Variants in TENT4B observed in about 807,000 individuals in gnomAD.
The protein encoded by TENT4B is PAP associated domain containing 5.
A neutral mutation model predicts 75.0 loss-of-function variants in TENT4B; 10 were observed. The observed-to-expected ratio is 0.13, with a 90% CI of 0.08 to 0.23. The LOEUF is 0.23. Among genes scored for constraint, TENT4B ranks in the 10% least tolerant of loss-of-function variants. The probability of loss-of-function intolerance (pLI) is 1.00; values close to 1 mark genes in which losing one functional copy is unlikely to be tolerated. For synonymous variants in TENT4B, 350 were observed against 357.7 expected, an observed-to-expected ratio of 0.98 and a Z score of 0.24; for missense variants, 579 against 893.8, an observed-to-expected ratio of 0.65 and a Z score of 4.49.
chr16:50,181,433 A>G lies in TENT4B; in HGVS notation c.638+27174A>G, dbSNP rs75230312. Among the ~76,000 whole-genome samples the G allele has an allele frequency of 6.8e-3, 1,010 of 148,910 alleles. 10 individuals are homozygous for G. The highest frequency in any genetic ancestry group is 0.024 in the African/African-American group (967 of 40,362). ...TCAGCCTCTTGGAGTACCTGGGACT[A>G]TAGGCACACAACATCATATCCAGCT... On this transcript the variant is annotated intron_variant, in intron 1 of 11. Coordinates refer to ENST00000561678, the MANE Select transcript of TENT4B (RefSeq NM_001365324.3).
intron 1 of TENT4B, among the ~76,000 whole-genome samples, chr16:50,183,799 C>T (rs1417733422): frequency 3.3e-5 from 5 of 152,120 alleles, no homozygotes; most frequent in African/African-American, 1.2e-4. Flanking sequence ...AATCCCAGCA[C>T]TTTGGGAGGC....
intron 1 of TENT4B, among the ~76,000 whole-genome samples, chr16:50,179,601 A>G (rs910095717): frequency 2.6e-5 from 4 of 152,214 alleles, no homozygotes; most frequent in African/African-American, 7.2e-5. Flanking sequence ...CACTCTGCTT[A>G]TTCATTTGAC....
In TENT4B at chr16:50,230,480, C is replaced by T; in HGVS notation, c.*1152C>T. The T allele has an allele frequency of 4.1e-6, 4 of 982,532 alleles. No individual in the cohort carries two copies. The highest frequency in any genetic ancestry group is 4.8e-6 in the Non-Finnish European group (4 of 826,964). 60.9% of individuals were successfully genotyped at this position (982,532 alleles called of 1,614,324 possible). ...ACTGTGGGAGAATAACTGTAAACAGCTTTAATTAAATCATACTTATAAAAA... is the reference window on the plus strand; with the variant it reads ...ACTGTGGGAGAATAACTGTAAACAGTTTTAATTAAATCATACTTATAAAAA... On this transcript the variant is annotated 3_prime_UTR_variant, in exon 12 of 12. Transcript: ENST00000561678.
intron 1 of TENT4B, among the ~76,000 whole-genome samples, chr16:50,156,274 A>G (rs779722501): frequency 1.3e-4 from 20 of 152,088 alleles, no homozygotes; most frequent in Non-Finnish European, 2.8e-4. Context: ...CAAAAAATAC[A>G]TTAAACAATT....
chr16:50,197,000 G>A (rs1361052773), intron 1 of TENT4B, among the ~76,000 whole-genome samples: 1 of 151,770 alleles, frequency 6.6e-6, no homozygotes, highest in African/African-American at 2.4e-5. Context: ...TCAGCTACTT[G>A]GGAGGCTAAG....
chr16:50,173,402 T>C (rs1024755047), intron 1 of TENT4B, among the ~76,000 whole-genome samples: 1 of 152,180 alleles, frequency 6.6e-6, no homozygotes, highest in African/African-American at 2.4e-5. Flanking sequence ...GGTCATGTTT[T>C]TAGCTCATTT....
At chr16:50,197,791 G>T (rs1057162863) in intron 1 of TENT4B, among the ~76,000 whole-genome samples, 2 of 152,130 alleles carry the variant, frequency 1.3e-5, no homozygotes, top group African/African-American at 4.8e-5. Flanking sequence ...ACAAGTTGAG[G>T]TTTGTACAGT....
At chr16:50,198,872 G>C (rs570261180) in intron 1 of TENT4B, among the ~76,000 whole-genome samples, 5 of 152,198 alleles carry the variant, frequency 3.3e-5, no homozygotes, top group Non-Finnish European at 7.3e-5. Flanking sequence ...ACCTGATCCA[G>C]CTATCCATGA....
chr16:50,189,611 A>ACAAG (rs1567493217), intron 1 of TENT4B, among the ~76,000 whole-genome samples: 1 of 152,072 alleles, frequency 6.6e-6, no homozygotes, highest in African/African-American at 2.4e-5. Flanking sequence ...ACTCCTCTGT[A>ACAAG]TATAACACAT....
chr16:50,154,742 T>G (rs1338755962), intron 1 of TENT4B, among the ~76,000 whole-genome samples: 1 of 152,042 alleles, frequency 6.6e-6, no homozygotes, highest in East Asian at 1.9e-4. Context: ...GTGCTTTCCT[T>G]GCCAAGAATA....
intron 2 of TENT4B, among the ~76,000 whole-genome samples, chr16:50,213,351 G>T (rs1013295633): frequency 1.5e-4 from 23 of 152,180 alleles, no homozygotes; most frequent in African/African-American, 5.3e-4. Context: ...GAGCCACTGT[G>T]CCCGGCCTAT....
chr16:50,171,238 A>G (rs1439062064), intron 1 of TENT4B, among the ~76,000 whole-genome samples: 1 of 151,588 alleles, frequency 6.6e-6, no homozygotes, highest in Non-Finnish European at 1.5e-5. Context: ...CTAACTCTAC[A>G]AAAAATACAA....
chr16:50,155,272 G>GGTGGGGGT (rs1555506870), intron 1 of TENT4B, among the ~76,000 whole-genome samples: 4 of 135,372 alleles, frequency 3.0e-5, no homozygotes, highest in African/African-American at 1.1e-4. Context: ...GGGTCTCGTG[G>GGTGGGGGT]GTGTGTGTGT....
intron 10 of TENT4B, among the ~76,000 whole-genome samples, chr16:50,226,810 G>T (rs1190357540): frequency 6.6e-6 from 1 of 152,154 alleles, no homozygotes; most frequent in Admixed American, 6.5e-5. Context: ...ATGTTGTGCA[G>T]CCATCTCCAG....
chr16:50,217,940 AT>A (rs758049566), intron 5 of TENT4B, among the ~76,000 whole-genome samples: 1,064 of 131,436 alleles, frequency 8.1e-3, no homozygotes, highest in Admixed American at 7.4e-3. Context: ...TATTTTTTGT[AT>A]TTTTTTTTTT....
chr16:50,225,686 CTTT>C (rs1210292398), intron 10 of TENT4B, among the ~76,000 whole-genome samples: 4 of 143,560 alleles, frequency 2.8e-5, no homozygotes, highest in Admixed American at 7.0e-5. Flanking sequence ...TTGTTTTTTC[CTTT>C]TTTTTTTTTT....
chr16:50,217,484 A>G (rs925535014), intron 4 of TENT4B, 72 bp from the exon 5 acceptor site: 4 of 776,024 alleles, frequency 5.2e-6, no homozygotes, highest in Non-Finnish European at 8.1e-6. Flanking sequence ...CATGTCTAGT[A>G]GGCTTCCATC....
chr16:50,213,709 A>C (rs2031403910), intron 2 of TENT4B, among the ~76,000 whole-genome samples: 1 of 152,248 alleles, frequency 6.6e-6, no homozygotes, highest in African/African-American at 2.4e-5. Context: ...CAATGGATTG[A>C]AAATATTCAG....
intron 4 of TENT4B, among the ~76,000 whole-genome samples, chr16:50,216,840 T>C (rs2150739879): frequency 6.6e-6 from 1 of 152,264 alleles, no homozygotes; most frequent in African/African-American, 2.4e-5. Context: ...TTTTTTTTTG[T>C]AGAGATAGGG....
Sources: allele counts gnomAD v4.1 joint callset (sites outside exome capture counted in the v4.1 genomes callset), GRCh38; gene constraint gnomAD v4.1.1; transcripts MANE v1.5; gene names NCBI Gene and HGNC (gene_info 2026-07-23, HGNC 2026-07-21).